The following ACSBG1 variants were observed in gnomAD, a reference collection of about 807,000 sequenced individuals.
The protein encoded by ACSBG1 is long-chain-fatty-acid--CoA ligase ACSBG1.
In ACSBG1, 39 loss-of-function variants were observed where a neutral mutation model predicts 80.2. That is an observed-to-expected ratio of 0.49 (90% CI 0.38 to 0.64). The LOEUF (loss-of-function observed/expected upper bound fraction) is 0.64. Among genes scored for constraint, ACSBG1 ranks in the 30% least tolerant of loss-of-function variants. The pLI is 0.00. For missense variants in ACSBG1, 828 were observed against 966.4 expected, an observed-to-expected ratio of 0.86 and a Z score of 1.90; for synonymous variants, 392 against 379.5, an observed-to-expected ratio of 1.03 and a Z score of -0.38.
At chr15:78,182,263 G>A in intron 7 of ACSBG1, 118 bp from the exon 8 acceptor site, 1 of 1,402,344 alleles carries the variant, frequency 7.1e-7, no homozygotes, top group East Asian at 2.4e-5. Context: ...GATTCTGCAG[G>A]CTCTGAAAAC....
chr15:78,211,281 G>A (rs528809927), intron 1 of ACSBG1, among the ~76,000 whole-genome samples: 5 of 152,356 alleles, frequency 3.3e-5, no homozygotes, highest in South Asian at 4.1e-4. Flanking sequence ...TCATGAGCAC[G>A]CCGAAGGCGA....
chr15:78,168,864 C>T lies in ACSBG1; in HGVS notation c.*2580G>A. The T allele has an allele frequency of 8.7e-7, 1 of 1,143,532 alleles. No individual in the cohort carries two copies. Among genetic ancestry groups the T allele is most frequent in the Non-Finnish European group, 1.3e-6 (1 of 763,244 alleles). The allele number at this position is 1,143,532 out of a possible 1,614,324, so 70.8% of individuals were successfully genotyped here. A position where few individuals can be genotyped will look rare whatever the true frequency, so the allele number is the denominator to read the frequency against. On this transcript the variant is annotated 3_prime_UTR_variant, in exon 14 of 14. Transcript: ENST00000258873. ...CATCTCACTGAGGGCTTTAAAATCT[C>T]CTTGGTTTAGTTTAGTTTGCGGATA... is the stretch of plus-strand genomic sequence containing the variant.
intron 1 of ACSBG1, among the ~76,000 whole-genome samples, chr15:78,214,497 T>C (rs2141374838): frequency 6.6e-6 from 1 of 152,320 alleles, no homozygotes; most frequent in Non-Finnish European, 1.5e-5. Context: ...TGGAGTGCAG[T>C]GGCCCGATTT....
rs905668529 is a variant in ACSBG1, at chr15:78,172,819, C to T, written c.2089+774G>A. ...CAGCCAAGAGTGACTTCAGCTGAGGCTGCACCAGAGCCCTCTCCTGGTTCT... is the reference window on the plus strand; with the variant it reads ...CAGCCAAGAGTGACTTCAGCTGAGGTTGCACCAGAGCCCTCTCCTGGTTCT... On this transcript the variant is annotated intron_variant, in intron 13 of 13. Transcript: ENST00000258873. The surrounding 1 kb of genome is among the most constrained non-coding windows in gnomAD (Gnocchi z 4.1). 6.6e-6 allele frequency among the ~76,000 whole-genome samples: 1 copy of T among 152,218 alleles called. No individual in the cohort carries two copies. Among genetic ancestry groups the T allele is most frequent in the Non-Finnish European group, 1.5e-5 (1 of 68,040 alleles).
In ACSBG1 at chr15:78,194,743, A is replaced by G; in HGVS notation, c.233-17T>C. 6.2e-7 allele frequency: 1 copy of G among 1,607,976 alleles called. No homozygotes were observed. On this transcript the variant is annotated splice_polypyrimidine_tract_variant and intron_variant, in intron 2 of 13. Coordinates refer to ENST00000258873, the MANE Select transcript of ACSBG1 (RefSeq NM_015162.5). The stretch of plus-strand genomic sequence containing the variant: ...GCGCCTCCTCTGTGGGGTGGGGGAG[A>G]CCACAGCTTGGATCATGCCAGCCTG...
At chr15:78,202,721 C>T (rs545291693) in intron 2 of ACSBG1, among the ~76,000 whole-genome samples, 5 of 152,326 alleles carry the variant, frequency 3.3e-5, no homozygotes, top group South Asian at 2.1e-4. Context: ...TGAACTGGTA[C>T]AGCTTTGTTG....
intron 1 of ACSBG1, among the ~76,000 whole-genome samples, chr15:78,233,114 G>T (rs532088169): frequency 6.6e-6 from 1 of 152,328 alleles, no homozygotes; most frequent in South Asian, 2.1e-4. Flanking sequence ...GCCCTTGGGT[G>T]AGGAAGTCAG....
Position 78,170,373 on chromosome 15 carries a change from T to A in ACSBG1, c.*1071A>T, listed in dbSNP as rs76863632. 6.6e-6 allele frequency: 1 copy of A among 152,010 alleles called. No individual in the cohort carries two copies. Among genetic ancestry groups the A allele is most frequent in the Admixed American group, 6.6e-5 (1 of 15,256 alleles). 9.4% of individuals were successfully genotyped at this position (152,010 alleles called of 1,614,324 possible). On this transcript the variant is annotated 3_prime_UTR_variant, in exon 14 of 14. Coordinates refer to ENST00000258873, the MANE Select transcript of ACSBG1 (RefSeq NM_015162.5). ...GGTCACAAGGGGATTTTTTTTTTTT[T>A]AGCAATGATATCCCTGTCTGGGTCA...
intron 9 of ACSBG1, among the ~76,000 whole-genome samples, chr15:78,180,220 A>G (rs2074928244): frequency 6.6e-6 from 1 of 152,242 alleles, no homozygotes; most frequent in African/African-American, 2.4e-5. Context: ...GGATGCACAG[A>G]TATGTGCACA....
chr15:78,194,861 G>A (rs1275082263), intron 2 of ACSBG1, 135 bp from the exon 3 acceptor site: 2 of 739,598 alleles, frequency 2.7e-6, no homozygotes, highest in African/African-American at 3.5e-5. Flanking sequence ...GGCCAGGGTA[G>A]ACTGGGGTAG....
Position 78,182,786 on chromosome 15 carries a change from C to A in ACSBG1, c.664-1G>T. The A allele has an allele frequency of 6.2e-7, 1 of 1,614,112 alleles. No homozygotes were observed. The highest frequency in any genetic ancestry group is 1.7e-5 in the Admixed American group (1 of 60,030). ...TTAGATGTGGCAACTGTTTCCAGAT[C>A]TGCATTGACAGGAAAAATAGATCAG... On this transcript the variant is annotated splice_acceptor_variant, in intron 5 of 13. Coordinates refer to ENST00000258873, the MANE Select transcript of ACSBG1 (RefSeq NM_015162.5). LOFTEE classifies it high-confidence loss of function.
At chr15:78,215,105 G>A (rs548043230) in intron 1 of ACSBG1, among the ~76,000 whole-genome samples, 2 of 151,872 alleles carry the variant, frequency 1.3e-5, no homozygotes, top group African/African-American at 2.4e-5. Flanking sequence ...ACAGGACTTC[G>A]GAAGCCCATG....
intron 1 of ACSBG1, among the ~76,000 whole-genome samples, chr15:78,214,161 C>T (rs1425289086): frequency 6.6e-6 from 1 of 152,226 alleles, no homozygotes; most frequent in African/African-American, 2.4e-5. Flanking sequence ...CACCCTCTAC[C>T]TCCTCCTTCA....
At chr15:78,193,840 G>A (rs2075082324) in intron 4 of ACSBG1, 92 bp downstream of exon 4, 2 of 1,497,144 alleles carry the variant, frequency 1.3e-6, no homozygotes, top group South Asian at 1.2e-5. Context: ...GTGGGGAGTG[G>A]GTGGGGGCTG....
chr15:78,218,634 A>G (rs772803458), intron 1 of ACSBG1, among the ~76,000 whole-genome samples: 1 of 152,152 alleles, frequency 6.6e-6, no homozygotes, highest in Non-Finnish European at 1.5e-5. Flanking sequence ...ATTATCTCCT[A>G]TCAAGTGGGT....
At chr15:78,212,611 G>T (rs571514772) in intron 1 of ACSBG1, 7 of 455,626 alleles carry the variant, frequency 1.5e-5, no homozygotes, top group East Asian at 7.0e-5. Flanking sequence ...TGCCTGGGGG[G>T]TGGCTGCAAT....
chr15:78,215,776 A>AAGAAAGAAAGAAAG (rs2075306864), intron 1 of ACSBG1, among the ~76,000 whole-genome samples: 2 of 144,124 alleles, frequency 1.4e-5, no homozygotes, highest in African/African-American at 2.6e-5. Context: ...GAAAGAAAGA[A>AAGAAAGAAAGAAAG]AGAAAGAAAG....
At position 78,176,427 on chromosome 15, in the gene ACSBG1, C is replaced by G. The variant is rs74990878; in HGVS notation, c.1703-1903G>C. On this transcript the variant is annotated intron_variant, in intron 11 of 13. Transcript: ENST00000258873. ...TACTGGATTGAATATGTGGTCTGAT[C>G]AAATGATCCACAAAAGGTCATTTGA... 7.1e-4 allele frequency among the ~76,000 whole-genome samples: 108 copies of G among 152,008 alleles called. 1 individual carries two copies. The East Asian group carries it at 0.02, about 28-fold the overall frequency.
intron 2 of ACSBG1, among the ~76,000 whole-genome samples, chr15:78,198,668 A>G (rs2075137757): frequency 6.6e-6 from 1 of 152,216 alleles, no homozygotes; most frequent in Non-Finnish European, 1.5e-5. Flanking sequence ...TTTTAATGAC[A>G]AAAATATGCA....
Sources: allele counts gnomAD v4.1 joint callset (sites outside exome capture counted in the v4.1 genomes callset), GRCh38; gene constraint gnomAD v4.1.1; non-coding constraint Gnocchi (gnomAD v3.1); transcripts MANE v1.5; gene names NCBI Gene and HGNC (gene_info 2026-07-23, HGNC 2026-07-21).